Variants in OR1J2 observed in about 807,000 individuals in gnomAD.
OR1J2 encodes the protein olfactory receptor 1J2.
For missense variants in OR1J2, 304 were observed against 246.1 expected (o/e 1.24, Z -1.57); for synonymous variants, 142 against 99.7 (o/e 1.42, Z -2.52).
At chr9:122,517,843 G>A in the OR1J2 span, among the ~76,000 whole-genome samples, 4 of 152,044 alleles carry the variant, frequency 2.6e-5, no homozygotes, top group Admixed American at 6.6e-5. Flanking sequence ...CCTGGCATTC[G>A]TTAGCTCTTT....
At chr9:122,477,113 T>G in the OR1J2 span, 9 of 1,613,988 alleles carry the variant, frequency 5.6e-6, no homozygotes, top group Non-Finnish European at 7.6e-6. Flanking sequence ...GAAGCAATTA[T>G]GTTCTTGTCA....
chr9:122,543,495 G>A, the OR1J2 span, among the ~76,000 whole-genome samples: 1 of 152,204 alleles, frequency 6.6e-6, no homozygotes, highest in African/African-American at 2.4e-5. Flanking sequence ...GAGCCACTGT[G>A]CCTGGCCCAG....
the OR1J2 span, among the ~76,000 whole-genome samples, chr9:122,464,784 G>A: frequency 6.6e-6 from 1 of 152,126 alleles, no homozygotes; most frequent in Non-Finnish European, 1.5e-5. Context: ...CCCTCCCTTT[G>A]GTAGCAGCTC....
the OR1J2 span, among the ~76,000 whole-genome samples, chr9:122,528,806 A>G: frequency 9.3e-4 from 141 of 152,338 alleles, no homozygotes; most frequent in Non-Finnish European, 1.5e-3. Context: ...TCAAAAGACC[A>G]AAGTGATTGA....
At chr9:122,576,590 G>A in the OR1J2 span, among the ~76,000 whole-genome samples, 1 of 151,962 alleles carries the variant, frequency 6.6e-6, no homozygotes, top group East Asian at 1.9e-4. Flanking sequence ...CCATATCTTG[G>A]CTATTATGAA....
the OR1J2 span, among the ~76,000 whole-genome samples, chr9:122,497,545 T>A: frequency 6.6e-6 from 1 of 152,212 alleles, no homozygotes; most frequent in African/African-American, 2.4e-5. Context: ...TTGTGCTTAT[T>A]TGGATCTTCT....
the OR1J2 span, chr9:122,554,200 C>T: frequency 4.7e-6 from 7 of 1,487,904 alleles, no homozygotes; most frequent in Non-Finnish European, 3.7e-6. Context: ...CTTGATCAAC[C>T]CCTCCCTGTC....
the OR1J2 span, chr9:122,526,333 T>C: frequency 7.2e-7 from 1 of 1,391,884 alleles, no homozygotes; most frequent in East Asian, 2.3e-5. Flanking sequence ...CTATGTCTTT[T>C]CATTAAATGT....
chr9:122,553,372 C>A, the OR1J2 span: 1 of 1,614,096 alleles, frequency 6.2e-7, no homozygotes, highest in South Asian at 1.1e-5. Context: ...GCCATCAGCT[C>A]TGACCCACAC....
chr9:122,497,430 C>T, the OR1J2 span, among the ~76,000 whole-genome samples: 9 of 152,298 alleles, frequency 5.9e-5, no homozygotes, highest in African/African-American at 2.2e-4. Context: ...TTATCTATTT[C>T]CTCTAGATTT....
the OR1J2 span, among the ~76,000 whole-genome samples, chr9:122,542,829 TAA>T: frequency 6.6e-6 from 1 of 152,330 alleles, no homozygotes; most frequent in East Asian, 1.9e-4. Context: ...CATTGTAGAT[TAA>T]GTTTGCTTTT....
chr9:122,540,772 T>G, the OR1J2 span, among the ~76,000 whole-genome samples: 2 of 152,228 alleles, frequency 1.3e-5, no homozygotes, highest in African/African-American at 2.4e-5. Context: ...TCCATTTGTT[T>G]GTATCCTCTT....
At chr9:122,549,037 T>A in the OR1J2 span, among the ~76,000 whole-genome samples, 15 of 152,156 alleles carry the variant, frequency 9.9e-5, no homozygotes, top group South Asian at 2.9e-3. Context: ...TCATGAATTA[T>A]TTGCTTAGAT....
At chr9:122,567,597 T>C in the OR1J2 span, 1 of 1,609,004 alleles carries the variant, frequency 6.2e-7, no homozygotes, top group Non-Finnish European at 8.5e-7. Context: ...CAGGTCTTTG[T>C]TTCTCAGGCT....
chr9:122,539,302 C>T, the OR1J2 span, among the ~76,000 whole-genome samples: 1 of 151,826 alleles, frequency 6.6e-6, no homozygotes, highest in Non-Finnish European at 1.5e-5. Flanking sequence ...GTGTGATGTT[C>T]CCCTTCCTGT....
At chr9:122,464,456 C>T in the OR1J2 span, among the ~76,000 whole-genome samples, 4 of 152,234 alleles carry the variant, frequency 2.6e-5, no homozygotes, top group African/African-American at 9.7e-5. Flanking sequence ...CAGCAATCCA[C>T]CTCCCTCAAA....
the OR1J2 span, among the ~76,000 whole-genome samples, chr9:122,487,063 G>C: frequency 1.3e-5 from 2 of 152,154 alleles, no homozygotes; most frequent in South Asian, 4.2e-4. Flanking sequence ...GGCCAGTGTT[G>C]TTGTTGATAC....
At chr9:122,556,151 T>C in the OR1J2 span, among the ~76,000 whole-genome samples, 1 of 152,224 alleles carries the variant, frequency 6.6e-6, no homozygotes, top group African/African-American at 2.4e-5. Flanking sequence ...CAGATTGGCT[T>C]CTTTCACTTA....
chr9:122,499,262 G>A, the OR1J2 span, among the ~76,000 whole-genome samples: 1 of 152,242 alleles, frequency 6.6e-6, no homozygotes, highest in Non-Finnish European at 1.5e-5. Flanking sequence ...GTGTGGAGCA[G>A]GGAAACCTCC....
Sources: allele counts gnomAD v4.1 joint callset (sites outside exome capture counted in the v4.1 genomes callset), GRCh38; gene constraint gnomAD v4.1.1; transcripts MANE v1.5; gene names NCBI Gene and HGNC (gene_info 2026-07-23, HGNC 2026-07-21).